The following ZNF883 variants were observed in gnomAD, a reference collection of about 807,000 sequenced individuals.
ZNF883 encodes zinc finger protein 883.
chr9:112,997,208 C>A (rs1295012078), exon 1 of ZNF883: 23 of 1,613,802 alleles, frequency 1.4e-5, no homozygotes, highest in Non-Finnish European at 1.9e-5. Context: ...ACACTTAGTA[C>A]ATTGATAGGG....
chr9:113,011,715 G>A (rs939485211), intron 1 of ZNF883, among the ~76,000 whole-genome samples: 1 of 152,162 alleles, frequency 6.6e-6, no homozygotes, highest in South Asian at 2.1e-4. Context: ...CTAAATTCTA[G>A]TTGGCACTAA....
intron 2 of ZNF883, among the ~76,000 whole-genome samples, chr9:113,009,597 C>T (rs1828512252): frequency 6.6e-6 from 1 of 152,046 alleles, no homozygotes; most frequent in African/African-American, 2.4e-5. Flanking sequence ...GCAATCTCCA[C>T]CTCCCAGGTT....
At chr9:112,996,465 T>A (rs536893752), downstream of ZNF883, among the ~76,000 whole-genome samples, 86 of 152,272 alleles carry the variant, frequency 5.6e-4, 3 homozygotes, top group South Asian at 0.017. Flanking sequence ...GAGTGAACAA[T>A]TTTCCTTACC....
At chr9:113,005,644 A>G (rs1828467784) in intron 2 of ZNF883, among the ~76,000 whole-genome samples, 1 of 152,206 alleles carries the variant, frequency 6.6e-6, no homozygotes, top group Non-Finnish European at 1.5e-5. Context: ...TGAGTCATAA[A>G]CATTGTTAAT....
In ZNF883 at chr9:113,007,109, G is replaced by A. The variant is rs1419487265; in HGVS notation, n.165+4032C>T. On this transcript the variant is annotated intron_variant and non_coding_transcript_variant, in intron 2 of 4. Coordinates refer to the ZNF883 transcript ENST00000638622. ...CTCAGGAGGCAGAGGCAGGAGAATC[G>A]CTTGAAACTGGGAGGCGGAGGTTGC... Among the ~76,000 whole-genome samples, 6 of 152,166 alleles carry A rather than the reference G, an allele frequency of 3.9e-5. No homozygotes were observed. In the South Asian group the frequency reaches 8.3e-4, roughly 21 times the overall value.
chr9:113,007,391 T>C (rs1828488934), intron 2 of ZNF883, among the ~76,000 whole-genome samples: 1 of 152,238 alleles, frequency 6.6e-6, no homozygotes, highest in Non-Finnish European at 1.5e-5. Flanking sequence ...AGTAGCCAGA[T>C]AGAACTCATG....
chr9:113,009,817 A>G (rs892985527), intron 2 of ZNF883, among the ~76,000 whole-genome samples: 2 of 151,654 alleles, frequency 1.3e-5, no homozygotes, highest in Non-Finnish European at 2.9e-5. Context: ...CCATATTCTC[A>G]TTTTCTATAA....
At chr9:113,009,667 G>C (rs1888284) in intron 2 of ZNF883, among the ~76,000 whole-genome samples, 2 of 151,902 alleles carry the variant, frequency 1.3e-5, no homozygotes, top group African/African-American at 2.4e-5. Context: ...ATGCCGCCAC[G>C]CCCAGCTAAT....
intron 1 of ZNF883, among the ~76,000 whole-genome samples, chr9:113,011,791 C>A (rs1331092501): frequency 1.3e-5 from 2 of 152,048 alleles, no homozygotes; most frequent in African/African-American, 4.8e-5. Context: ...GGGTGGTTGC[C>A]CCTCCCCAGA....
At chr9:113,000,559 G>C (rs1587895653), upstream of ZNF883, among the ~76,000 whole-genome samples, 1 of 152,064 alleles carries the variant, frequency 6.6e-6, no homozygotes, top group African/African-American at 2.4e-5. Context: ...TGTAAGTGTA[G>C]ATAAGACATA....
chr9:112,998,314 A>G (rs1430727423), upstream of ZNF883: 3 of 1,378,356 alleles, frequency 2.2e-6, no homozygotes, highest in African/African-American at 4.4e-5. Flanking sequence ...GTCGGTATGT[A>G]ATAGGTGTTG....
chr9:112,997,714 C>T (rs765925338), exon 1 of ZNF883: 1 of 1,613,564 alleles, frequency 6.2e-7, no homozygotes, highest in Non-Finnish European at 8.5e-7. Flanking sequence ...ATTGCTTACA[C>T]TGGTAGGATT....
At chr9:112,995,139 A>G (rs1828338434), downstream of ZNF883, among the ~76,000 whole-genome samples, 1 of 152,210 alleles carries the variant, frequency 6.6e-6, no homozygotes, top group Non-Finnish European at 1.5e-5. Context: ...CCAGTAGACT[A>G]AGTAAAGCAG....
At chr9:113,003,048 A>G (rs1401329207), upstream of ZNF883, among the ~76,000 whole-genome samples, 1 of 152,190 alleles carries the variant, frequency 6.6e-6, no homozygotes, top group Non-Finnish European at 1.5e-5. Flanking sequence ...GCCCTGTCTC[A>G]GGTATTTTGC....
At chr9:112,998,260 C>T (rs1269324041), upstream of ZNF883, 2 of 1,557,948 alleles carry the variant, frequency 1.3e-6, no homozygotes, top group Non-Finnish European at 8.7e-7. Context: ...CAGATTCCAT[C>T]AGTACTGAAC....
At chr9:112,999,268 T>C (rs947501772), upstream of ZNF883, 4 of 152,194 alleles carry the variant, frequency 2.6e-5, no homozygotes, top group Admixed American at 2.6e-4. Flanking sequence ...AATGGAACAA[T>C]ATATATGTCT....
intron 1 of ZNF883, among the ~76,000 whole-genome samples, chr9:112,990,648 C>T (rs1395109672): frequency 2.0e-5 from 3 of 152,064 alleles, no homozygotes; most frequent in African/African-American, 7.2e-5. Context: ...AGTGAGGAGT[C>T]CCTCCTTTTC....
chr9:112,996,151 G>A (rs1828352005), downstream of ZNF883, among the ~76,000 whole-genome samples: 1 of 151,578 alleles, frequency 6.6e-6, no homozygotes, highest in Admixed American at 6.6e-5. Context: ...ATCATGTTGG[G>A]GTGCTACTTT....
At chr9:112,996,607 C>T (rs375070540), downstream of ZNF883, among the ~76,000 whole-genome samples, 59 of 149,962 alleles carry the variant, frequency 3.9e-4, no homozygotes, top group African/African-American at 1.2e-3. Context: ...CTGGCTAACA[C>T]GGTGAAACCC....
Sources: gnomAD v4.1 joint callset for allele counts (sites outside exome capture counted in the v4.1 genomes callset) on GRCh38, gnomAD v4.1.1 for gene constraint, MANE v1.5 for transcripts, NCBI Gene and HGNC (gene_info 2026-07-23, HGNC 2026-07-21) for gene names.